The following RBFOX2 variants were observed in gnomAD, a reference collection of about 807,000 sequenced individuals.
RBFOX2 encodes RNA binding protein fox-1 homolog 2.
Under a neutral mutation model 49.1 loss-of-function variants are expected in RBFOX2, and 10 were observed. That is an observed-to-expected ratio of 0.20 (90% CI 0.13 to 0.35). The LOEUF is 0.35. RBFOX2 is among the 10% of genes least tolerant of loss of function. The pLI is 1.00. For synonymous variants in RBFOX2, 183 were observed against 187.4 expected (o/e 0.98, Z 0.19); for missense variants, 323 against 486.9 (o/e 0.66, Z 3.17).
At chr22:35,945,906 C>T (rs185201159) in intron 1 of RBFOX2, among the ~76,000 whole-genome samples, 13 of 152,194 alleles carry the variant, frequency 8.5e-5, no homozygotes, top group South Asian at 2.1e-4. Context: ...ACTAAGCTTT[C>T]GCTGCAAAAA....
intron 6 of RBFOX2, among the ~76,000 whole-genome samples, chr22:35,763,014 C>G (rs1454251919): frequency 6.6e-6 from 1 of 152,140 alleles, no homozygotes; most frequent in Non-Finnish European, 1.5e-5. Flanking sequence ...TGTAAGAACA[C>G]AAATATTCTG....
At chr22:35,896,946 T>C (rs1039741857) in intron 1 of RBFOX2, among the ~76,000 whole-genome samples, 1 of 152,200 alleles carries the variant, frequency 6.6e-6, no homozygotes, top group Non-Finnish European at 1.5e-5. Flanking sequence ...TACATGTCCA[T>C]AATCAGTTTT....
chr22:35,976,286 A>C (rs1226147615), intron 1 of RBFOX2, among the ~76,000 whole-genome samples: 2 of 151,910 alleles, frequency 1.3e-5, no homozygotes, highest in African/African-American at 4.8e-5. Context: ...CCACCCCTGA[A>C]TTTGCTATAC....
chr22:35,948,434 C>CA (rs2054556515), intron 1 of RBFOX2, among the ~76,000 whole-genome samples: 2 of 152,170 alleles, frequency 1.3e-5, no homozygotes, highest in Admixed American at 1.3e-4. Flanking sequence ...CACAGTGACT[C>CA]ACTCCTGTAA....
chr22:35,754,243 C>T (rs890239322), intron 9 of RBFOX2, among the ~76,000 whole-genome samples: 1 of 151,946 alleles, frequency 6.6e-6, no homozygotes. Flanking sequence ...AGGCGCCCGC[C>T]ACCACGCCTG....
intron 1 of RBFOX2, chr22:36,000,007 T>TATATATATATA (rs1299405689): frequency 1.5e-5 from 1 of 67,798 alleles, no homozygotes; most frequent in African/African-American, 3.3e-5. Context: ...ATATATATAT[T>TATATATATATA]TTTTTTTTTT....
chr22:35,942,639 AG>A (rs2053819978), upstream of RBFOX2, among the ~76,000 whole-genome samples: 1 of 151,682 alleles, frequency 6.6e-6, no homozygotes. Context: ...AGAAATGGCT[AG>A]CTACACAGAA....
At chr22:35,883,187 C>A (rs1313583033) in intron 1 of RBFOX2, among the ~76,000 whole-genome samples, 1 of 152,226 alleles carries the variant, frequency 6.6e-6, no homozygotes, top group Non-Finnish European at 1.5e-5. Flanking sequence ...AGCACTTTCT[C>A]AGCCTGCTTC....
chr22:35,855,746 C>A (rs1255833371), intron 1 of RBFOX2, among the ~76,000 whole-genome samples: 1 of 151,770 alleles, frequency 6.6e-6, no homozygotes, highest in Admixed American at 6.6e-5. Context: ...ACACTTGGGT[C>A]GGGCACAGTG....
At chr22:36,017,524 G>C (rs541587056) in intron 1 of RBFOX2, among the ~76,000 whole-genome samples, 3 of 151,578 alleles carry the variant, frequency 2.0e-5, no homozygotes, top group African/African-American at 7.3e-5. Context: ...GCAAAAACTC[G>C]GTCTCAAAAA....
At chr22:35,835,610 T>C (rs190860980) in intron 1 of RBFOX2, among the ~76,000 whole-genome samples, 21 of 152,132 alleles carry the variant, frequency 1.4e-4, no homozygotes, top group African/African-American at 4.6e-4. Flanking sequence ...AAGTAATAGG[T>C]TGTCAAATAT....
chr22:35,955,610 G>A (rs773735164), intron 1 of RBFOX2, among the ~76,000 whole-genome samples: 9 of 152,130 alleles, frequency 5.9e-5, no homozygotes, highest in Non-Finnish European at 1.0e-4. Context: ...TCAGGCATTC[G>A]ATGGAACAGG....
chr22:35,897,587 G>C, intron 1 of RBFOX2: 1 of 983,930 alleles, frequency 1.0e-6, no homozygotes, highest in Non-Finnish European at 1.6e-6. Flanking sequence ...AGGTCAAAGA[G>C]GAGATATCGA....
At chr22:35,874,014 T>G (rs1416309262) in intron 1 of RBFOX2, among the ~76,000 whole-genome samples, 1 of 152,042 alleles carries the variant, frequency 6.6e-6, no homozygotes, top group Admixed American at 6.5e-5. Context: ...AGGGAGAAAT[T>G]GGAAGGGATA....
At chr22:35,891,707 T>C (rs1486591464) in intron 1 of RBFOX2, among the ~76,000 whole-genome samples, 1 of 152,208 alleles carries the variant, frequency 6.6e-6, no homozygotes, top group Non-Finnish European at 1.5e-5. Context: ...ATTATGTTTA[T>C]TGGATATAAA....
rs34495987 is a variant in RBFOX2, at chr22:36,010,732, TACACACACACACACAC to T, written c.186+17492_186+17507del. On this transcript the variant is annotated intron_variant, in intron 1 of 13. Coordinates refer to the RBFOX2 transcript ENST00000438146. Reference sequence around the variant, plus strand: ...GAATCAGAATCCAATTACTGTTCAGTACACACACACACACACACACACACACACACACACACACACA... The same window carrying T: ...GAATCAGAATCCAATTACTGTTCAGTACACACACACACACACACACACACA... Among the ~76,000 whole-genome samples the T allele has an allele frequency of 3.0e-3, 417 of 137,068 alleles. 4 individuals are homozygous for T. The highest frequency in any genetic ancestry group is 1.0e-2 in the African/African-American group (367 of 36,716). 89.9% of individuals were successfully genotyped at this position (137,068 alleles called of 152,430 possible). A position where few individuals can be genotyped will look rare whatever the true frequency, so the allele number is the denominator to read the frequency against.
At chr22:35,965,557 A>G (rs1381089456), upstream of RBFOX2, among the ~76,000 whole-genome samples, 2 of 152,204 alleles carry the variant, frequency 1.3e-5, no homozygotes, top group African/African-American at 4.8e-5. Context: ...CAAAATCCAA[A>G]TCTGCTGCCT....
At chr22:36,019,853 A>AT in intron 1 of RBFOX2, among the ~76,000 whole-genome samples, 1 of 152,330 alleles carries the variant, frequency 6.6e-6, no homozygotes, top group South Asian at 2.1e-4. Context: ...TGCCATCCCC[A>AT]TCAAGCTACC....
chr22:35,823,263 G>C lies in RBFOX2; in HGVS notation c.28-13259C>G, dbSNP rs140682961. 3.7e-3 allele frequency among the ~76,000 whole-genome samples: 562 copies of C among 152,294 alleles called. 1 individual carries two copies. Among genetic ancestry groups the C allele is most frequent in the Non-Finnish European group, 6.5e-3 (444 of 68,020 alleles). Reference sequence around the variant, plus strand: ...TAAACACTGAATTCCTCTGTTTTCTGTCTCTTTCATTTTTGCTCAGAGAGC... The same window carrying C: ...TAAACACTGAATTCCTCTGTTTTCTCTCTCTTTCATTTTTGCTCAGAGAGC... On this transcript the variant is annotated intron_variant, in intron 1 of 11. Transcript: ENST00000405409.
Sources: allele counts gnomAD v4.1 joint callset (sites outside exome capture counted in the v4.1 genomes callset), GRCh38; gene constraint gnomAD v4.1.1; transcripts MANE v1.5; gene names NCBI Gene and HGNC (gene_info 2026-07-23, HGNC 2026-07-21).